The following AKAP13 variants were observed in gnomAD, a reference collection of about 807,000 sequenced individuals.
AKAP13 encodes the protein A-kinase anchor protein 13.
A neutral mutation model predicts 264.5 loss-of-function variants in AKAP13; 80 were observed. The ratio of observed to expected loss-of-function variants is 0.30; its 90% CI spans 0.25 to 0.36. The LOEUF (loss-of-function observed/expected upper bound fraction) is 0.36. Ranked by LOEUF, AKAP13 falls within the 10% of genes least tolerant of loss-of-function variation. The pLI, the probability that AKAP13 is intolerant of heterozygous loss-of-function variation, is 1.00. For missense variants in AKAP13, 3,712 were observed against 3,435.2 expected (o/e 1.08, Z -2.01); for synonymous variants, 1,380 against 1,250.2 (o/e 1.10, Z -2.19).
At position 85,617,707 on chromosome 15, in the gene AKAP13, A is replaced by C. The variant is rs1242419306; in HGVS notation, c.4162-21667A>C. On this transcript the variant is annotated intron_variant, in intron 8 of 36. Coordinates refer to ENST00000394518, the MANE Select transcript of AKAP13 (RefSeq NM_007200.5). ...GGGAGGCAGCTCTGTGTTCAAAAAA[A>C]GAAGAAGGGCGAGTTCTACATTCTA... Among the ~76,000 whole-genome samples the C allele has an allele frequency of 2.0e-5, 3 of 152,164 alleles. No individual in the cohort carries two copies. The East Asian group carries it at 5.8e-4, about 29-fold the overall frequency.
intron 1 of AKAP13, among the ~76,000 whole-genome samples, chr15:85,482,337 A>T (rs1464904685): frequency 6.6e-6 from 1 of 152,080 alleles, no homozygotes; most frequent in African/African-American, 2.4e-5. Flanking sequence ...TCTCTATAGA[A>T]TTTGTTACTG....
At chr15:85,542,830 G>C (rs1384029377) in intron 4 of AKAP13, among the ~76,000 whole-genome samples, 1 of 152,226 alleles carries the variant, frequency 6.6e-6, no homozygotes, top group Non-Finnish European at 1.5e-5. Context: ...GGGATTTAAT[G>C]AATGTCTACT....
intron 2 of AKAP13, among the ~76,000 whole-genome samples, chr15:85,514,463 A>G (rs1204803426): frequency 7.3e-6 from 1 of 137,738 alleles, no homozygotes; most frequent in African/African-American, 2.9e-5. Context: ...TCAAAACAAG[A>G]TATTACAGTC....
intron 8 of AKAP13, among the ~76,000 whole-genome samples, chr15:85,628,419 C>G (rs1192388107): frequency 6.6e-6 from 1 of 152,210 alleles, no homozygotes; most frequent in Non-Finnish European, 1.5e-5. Flanking sequence ...ATTTCCCAAT[C>G]CTGGTGCAGA....
At chr15:85,698,134 T>C (rs1165733763) in intron 17 of AKAP13, among the ~76,000 whole-genome samples, 1 of 152,182 alleles carries the variant, frequency 6.6e-6, no homozygotes, top group Non-Finnish European at 1.5e-5. Flanking sequence ...AAATATAGTA[T>C]ATTTTGTATA....
intron 35 of AKAP13, among the ~76,000 whole-genome samples, chr15:85,742,119 G>A (rs2089059073): frequency 6.6e-6 from 1 of 152,196 alleles, no homozygotes; most frequent in Non-Finnish European, 1.5e-5. Flanking sequence ...TCTGCTTTTT[G>A]CATCTCTAAG....
At position 85,579,227 on chromosome 15, in the gene AKAP13, C is replaced by T; in HGVS notation, c.1159C>T (p.Pro387Ser). ...AAAAGGGGAAGAGGTGGAGCCAGCA[C>T]CTATTGTGGACTCTGGAACTGTATC... ...ERKGEEVEPAPIVDSGTVSDQ... is the reference protein window; with the variant it reads ...ERKGEEVEPASIVDSGTVSDQ... Residue 387 changes from proline to serine, a missense_variant, in exon 7 of 37, where the codon CCT (proline) becomes TCT (serine). Pro to Ser is a moderately conservative substitution (Grantham distance 74). This residue lies in a region of AKAP13 where 2,759 missense variants were observed against 2,411.7 expected (regional missense o/e 1.14). Transcript: ENST00000394518. The T allele has an allele frequency of 6.2e-7, 1 of 1,614,202 alleles. No homozygotes were observed. Among genetic ancestry groups the T allele is most frequent in the Non-Finnish European group, 8.5e-7 (1 of 1,180,032 alleles).
intron 9 of AKAP13, among the ~76,000 whole-genome samples, chr15:85,640,198 T>C (rs2082247852): frequency 6.6e-6 from 1 of 152,222 alleles, no homozygotes; most frequent in Non-Finnish European, 1.5e-5. Flanking sequence ...CTGTCTCATT[T>C]TGAGGGTGTA....
At chr15:85,632,400 A>C (rs2081878349) in intron 8 of AKAP13, among the ~76,000 whole-genome samples, 1 of 152,176 alleles carries the variant, frequency 6.6e-6, no homozygotes, top group Non-Finnish European at 1.5e-5. Flanking sequence ...CATTATCTTT[A>C]TAATACTGGA....
At position 85,639,413 on chromosome 15, in the gene AKAP13, G is replaced by A; in HGVS notation, c.4201G>A (p.Asp1401Asn). Residue 1401 changes from aspartate to asparagine, a missense_variant, in exon 9 of 37, where the codon GAT (aspartate) becomes AAT (asparagine). Asp to Asn is a conservative substitution (Grantham distance 23). Coordinates refer to ENST00000394518, the MANE Select transcript of AKAP13 (RefSeq NM_007200.5). ...CTGGTGTACAATAGAGCCATGCCCT[G>A]ATGCAGCATCTCTTCTGGCTTCCAA... ...ENWCTIEPCP[D>N]AASLLASKQS... 2 of 1,613,014 alleles carry A rather than the reference G, an allele frequency of 1.2e-6. No homozygotes were observed. Among genetic ancestry groups the A allele is most frequent in the South Asian group, 2.2e-5 (2 of 91,050 alleles).
intron 6 of AKAP13, chr15:85,577,636 T>C (rs1332064892): frequency 5.0e-6 from 1 of 198,062 alleles, no homozygotes; most frequent in Non-Finnish European, 9.1e-6. Flanking sequence ...GTTTATATTT[T>C]TTAAATACTT....
At chr15:85,601,347 T>C (rs1596667320) in intron 8 of AKAP13, among the ~76,000 whole-genome samples, 1 of 152,198 alleles carries the variant, frequency 6.6e-6, no homozygotes, top group African/African-American at 2.4e-5. Flanking sequence ...AAACCATCTC[T>C]GTTTATTGTT....
rs2088408096 is a variant in AKAP13, at chr15:85,735,573, A to AGAG, written c.7457_7459dup (p.Glu2486dup). 3 of 1,611,418 alleles carry AGAG rather than the reference A, an allele frequency of 1.9e-6. No individual in the cohort carries two copies. The East Asian group carries it at 6.7e-5, about 36-fold the overall frequency. On this transcript the variant is annotated inframe_insertion, in exon 32 of 37. Transcript: ENST00000394518. The stretch of plus-strand genomic sequence containing the variant: ...TTTTTTGTTTAGGAGGCGAGAAGGA[A>AGAG]GAGGGAGATGATGGCCAAGATCTTA...
intron 19 of AKAP13, among the ~76,000 whole-genome samples, chr15:85,712,478 C>G (rs184024516): frequency 3.6e-4 from 54 of 151,142 alleles, no homozygotes; most frequent in Non-Finnish European, 6.8e-4. Flanking sequence ...ATTTTCATGT[C>G]TTTCTTAAAA....
At chr15:85,415,940 C>T (rs1372401289) in intron 1 of AKAP13, among the ~76,000 whole-genome samples, 3 of 151,880 alleles carry the variant, frequency 2.0e-5, no homozygotes, top group African/African-American at 7.3e-5. Context: ...TGGTTCAGTA[C>T]GCATAACCCC....
chr15:85,508,001 T>G (rs2076291009), intron 2 of AKAP13, among the ~76,000 whole-genome samples: 2 of 151,968 alleles, frequency 1.3e-5, no homozygotes, highest in African/African-American at 4.8e-5. Context: ...CTCCTCCTTT[T>G]CTCTGTGGCA....
intron 1 of AKAP13, among the ~76,000 whole-genome samples, chr15:85,394,679 G>A (rs1007271786): frequency 5.3e-5 from 8 of 152,162 alleles, no homozygotes; most frequent in African/African-American, 1.7e-4. Context: ...TAGTTGGAAG[G>A]AGACAGTAGT....
Position 85,747,603 on chromosome 15 carries a change from T to C in AKAP13, c.*2926T>C, listed in dbSNP as rs963868929. Reference sequence around the variant, plus strand: ...TCTCAATTCCAGTCATCTCAGTCGTTGTCGTTAGGTGACATGTGCACTTTA... The same window carrying C: ...TCTCAATTCCAGTCATCTCAGTCGTCGTCGTTAGGTGACATGTGCACTTTA... On this transcript the variant is annotated 3_prime_UTR_variant, in exon 37 of 37. Transcript: ENST00000394518. 2.0e-5 allele frequency: 3 copies of C among 152,638 alleles called. No individual in the cohort carries two copies. The highest frequency in any genetic ancestry group is 3.8e-4 in the East Asian group (2 of 5,196). The allele number at this position is 152,638 out of a possible 1,614,324, so 9.5% of individuals were successfully genotyped here. A position where few individuals can be genotyped will look rare whatever the true frequency, so the allele number is the denominator to read the frequency against.
intron 1 of AKAP13, among the ~76,000 whole-genome samples, chr15:85,399,569 C>A (rs1265052651): frequency 6.9e-6 from 1 of 144,414 alleles, no homozygotes; most frequent in Non-Finnish European, 1.5e-5. Context: ...GTTTTAGATG[C>A]CATAAGATAA....
Sources: gnomAD v4.1 joint callset for allele counts (sites outside exome capture counted in the v4.1 genomes callset) on GRCh38, gnomAD v4.1.1 for gene constraint, gnomAD v4.1.1 regional missense constraint, MANE v1.5 for transcripts, NCBI Gene and HGNC (gene_info 2026-07-23, HGNC 2026-07-21) for gene names.